CYFIP2: variants seen among roughly 807,000 people sequenced by gnomAD.
The protein encoded by CYFIP2 is cytoplasmic FMR1 interacting protein 2, also known as cytoplasmic FMR1-interacting protein 2.
Under a neutral mutation model 158.7 loss-of-function variants are expected in CYFIP2, and 29 were observed. The ratio of observed to expected loss-of-function variants is 0.18; its 90% CI spans 0.14 to 0.25. The LOEUF is 0.25. CYFIP2 is among the 10% of genes least tolerant of loss of function. The pLI, the probability that CYFIP2 is intolerant of heterozygous loss-of-function variation, is 1.00. For synonymous variants in CYFIP2, 585 were observed against 617.6 expected, an observed-to-expected ratio of 0.95 and a Z score of 0.78; for missense variants, 852 against 1,639.5, an observed-to-expected ratio of 0.52 and a Z score of 8.29.
intron 15 of CYFIP2, among the ~76,000 whole-genome samples, chr5:157,323,535 G>A (rs1301257371): frequency 6.6e-6 from 1 of 152,214 alleles, no homozygotes; most frequent in East Asian, 1.9e-4. Context: ...AGCAGTGCCT[G>A]GCCTTGAACC....
chr5:157,289,808 T>C (rs1027500365), intron 3 of CYFIP2, among the ~76,000 whole-genome samples: 1 of 152,228 alleles, frequency 6.6e-6, no homozygotes, highest in African/African-American at 2.4e-5. Flanking sequence ...CTTTAGTTTA[T>C]TTAATAAAAA....
intron 5 of CYFIP2, among the ~76,000 whole-genome samples, chr5:157,298,814 AT>A (rs1456327307): frequency 2.0e-5 from 3 of 152,198 alleles, no homozygotes; most frequent in African/African-American, 7.2e-5. Context: ...ACTGAATCAT[AT>A]AACGTGGTCT....
intron 1 of CYFIP2, among the ~76,000 whole-genome samples, chr5:157,277,464 C>T (rs1475484940): frequency 3.3e-5 from 5 of 152,226 alleles, no homozygotes; most frequent in African/African-American, 4.8e-5. Context: ...GTCGTCTCCT[C>T]TCTCCTATGT....
intron 5 of CYFIP2, among the ~76,000 whole-genome samples, chr5:157,299,883 C>T (rs1167756996): frequency 6.6e-6 from 1 of 152,120 alleles, no homozygotes; most frequent in African/African-American, 2.4e-5. Context: ...GCCTGGGTAA[C>T]AGTGAAACTC....
intron 16 of CYFIP2, among the ~76,000 whole-genome samples, chr5:157,324,617 G>A (rs55991611): frequency 0.011 from 1,612 of 152,258 alleles, 34 homozygotes; most frequent in African/African-American, 0.036. Flanking sequence ...AGAGTAGCCC[G>A]GGAAGGGCCT....
At chr5:157,378,278 A>G (rs10515748) in intron 26 of CYFIP2, among the ~76,000 whole-genome samples, 16,747 of 152,260 alleles carry the variant, frequency 0.11, 1,148 homozygotes, top group South Asian at 0.19. Flanking sequence ...TAAAGGTATC[A>G]GTAATTTCCT....
intron 14 of CYFIP2, 45 bp downstream of exon 14, chr5:157,319,973 C>A: frequency 6.3e-7 from 1 of 1,596,864 alleles, no homozygotes. Flanking sequence ...CATAAGCATG[C>A]CAGGTACCCA....
chr5:157,335,540 G>A (rs1256465215), intron 21 of CYFIP2, among the ~76,000 whole-genome samples: 1 of 152,136 alleles, frequency 6.6e-6, no homozygotes, highest in Non-Finnish European at 1.5e-5. Context: ...CCTCCCAAGA[G>A]TCTTTTGTAT....
chr5:157,375,100 T>C (rs1487530470), intron 26 of CYFIP2, among the ~76,000 whole-genome samples: 2 of 152,220 alleles, frequency 1.3e-5, no homozygotes, highest in African/African-American at 2.4e-5. Flanking sequence ...CCAGGAATCC[T>C]CATGCCTTTG....
chr5:157,381,802 C>A (rs754106878), intron 26 of CYFIP2, among the ~76,000 whole-genome samples: 1 of 151,012 alleles, frequency 6.6e-6, no homozygotes, highest in Non-Finnish European at 1.5e-5. Flanking sequence ...TGCTTAGAAT[C>A]CCAAAGTGTC....
At chr5:157,279,687 A>G (rs1309532494) in intron 1 of CYFIP2, among the ~76,000 whole-genome samples, 1 of 152,252 alleles carries the variant, frequency 6.6e-6, no homozygotes, top group Non-Finnish European at 1.5e-5. Context: ...AATGCCCGCC[A>G]CTGAGAATTT....
intron 5 of CYFIP2, among the ~76,000 whole-genome samples, chr5:157,299,413 T>G (rs1758551229): frequency 6.6e-6 from 1 of 152,212 alleles, no homozygotes; most frequent in African/African-American, 2.4e-5. Flanking sequence ...AGTTACCCCA[T>G]AAGCCTCTTT....
intron 23 of CYFIP2, chr5:157,343,243 AC>A: frequency 6.2e-7 from 1 of 1,614,038 alleles, no homozygotes; most frequent in Non-Finnish European, 8.5e-7. Context: ...GAGCCAGCGG[AC>A]TCTTATCCAG....
intron 21 of CYFIP2, among the ~76,000 whole-genome samples, chr5:157,337,249 C>G (rs1314177366): frequency 6.6e-6 from 1 of 152,194 alleles, no homozygotes; most frequent in African/African-American, 2.4e-5. Context: ...CCTTCATTTA[C>G]TTCATGGTAC....
chr5:157,320,191 A>C (rs1664544095), intron 14 of CYFIP2, among the ~76,000 whole-genome samples: 2 of 152,340 alleles, frequency 1.3e-5, no homozygotes, highest in Middle Eastern at 3.4e-3. Context: ...TGGGGATTAT[A>C]ATGCTACCTG....
Position 157,334,145 on chromosome 5 carries a change from T to C in CYFIP2, c.2385+699T>C, listed in dbSNP as rs184479868. On this transcript the variant is annotated intron_variant, in intron 21 of 30. Transcript: ENST00000620254. Reference sequence around the variant, plus strand: ...AAAAATTGTAGGCAAGATCTGTCAATGGTTGCTAAAATAAGTGGGCAGAAC... The same window carrying C: ...AAAAATTGTAGGCAAGATCTGTCAACGGTTGCTAAAATAAGTGGGCAGAAC... 9.4e-4 allele frequency among the ~76,000 whole-genome samples: 143 copies of C among 152,304 alleles called. 1 individual carries two copies. The highest frequency in any genetic ancestry group is 3.2e-3 in the African/African-American group (132 of 41,560).
chr5:157,327,129 T>G (rs191674479), intron 18 of CYFIP2, among the ~76,000 whole-genome samples: 61 of 152,344 alleles, frequency 4.0e-4, no homozygotes, highest in African/African-American at 1.4e-3. Flanking sequence ...TTCATGTCTG[T>G]GTGAATTATC....
chr5:157,296,625 G>T, intron 4 of CYFIP2, 48 bp from the exon 5 acceptor site: 2 of 1,547,594 alleles, frequency 1.3e-6, no homozygotes, highest in South Asian at 2.2e-5. Context: ...ACAGTAATAA[G>T]ACAACAGGTG....
chr5:157,350,955 C>T (rs992542515), intron 23 of CYFIP2, among the ~76,000 whole-genome samples: 1 of 152,136 alleles, frequency 6.6e-6, no homozygotes, highest in East Asian at 1.9e-4. Context: ...ATAGCATGAG[C>T]CTTTAGGGTT....
Sources: gnomAD v4.1 joint callset for allele counts (sites outside exome capture counted in the v4.1 genomes callset) on GRCh38, gnomAD v4.1.1 for gene constraint, MANE v1.5 for transcripts, NCBI Gene and HGNC (gene_info 2026-07-23, HGNC 2026-07-21) for gene names.